TRHDE: variants seen among roughly 807,000 people sequenced by gnomAD.
The protein encoded by TRHDE is thyrotropin-releasing hormone-degrading ectoenzyme.
Under a neutral mutation model 125.7 loss-of-function variants are expected in TRHDE, and 72 were observed. The ratio of observed to expected loss-of-function variants is 0.57; its 90% CI spans 0.47 to 0.70. The LOEUF (loss-of-function observed/expected upper bound fraction) is 0.70. Ranked by LOEUF, TRHDE falls within the 30% of genes least tolerant of loss-of-function variation. The pLI, the probability that TRHDE is intolerant of heterozygous loss-of-function variation, is 0.00. For synonymous variants in TRHDE, 509 were observed against 509.1 expected (o/e 1.00, Z 0.00); for missense variants, 1,110 against 1,327.1 (o/e 0.84, Z 2.54).
At chr12:72,287,760 T>C (rs2139429634) in intron 2 of TRHDE, among the ~76,000 whole-genome samples, 1 of 152,280 alleles carries the variant, frequency 6.6e-6, no homozygotes, top group Non-Finnish European at 1.5e-5. Flanking sequence ...TCTATTGGAT[T>C]CTCTTTGATG....
At chr12:72,258,609 G>A (rs1403861199) in intron 2 of TRHDE, among the ~76,000 whole-genome samples, 1 of 152,104 alleles carries the variant, frequency 6.6e-6, no homozygotes, top group Middle Eastern at 3.2e-3. Flanking sequence ...CAGTATGGTG[G>A]ACTCCTGAAT....
At chr12:72,485,151 C>A (rs144117204) in intron 5 of TRHDE, among the ~76,000 whole-genome samples, 142 of 152,252 alleles carry the variant, frequency 9.3e-4, no homozygotes, top group African/African-American at 3.2e-3. Flanking sequence ...GCTGAAGAAG[C>A]TCTCCAGAGT....
intron 5 of TRHDE, among the ~76,000 whole-genome samples, chr12:72,493,805 C>A (rs1877788935): frequency 6.6e-6 from 1 of 151,952 alleles, no homozygotes; most frequent in South Asian, 2.1e-4. Context: ...TCCAGAATGC[C>A]CTTTTCTGCC....
chr12:72,320,539 T>C (rs1233144616), intron 2 of TRHDE, among the ~76,000 whole-genome samples: 3 of 96,444 alleles, frequency 3.1e-5, no homozygotes, highest in African/African-American at 1.1e-4. Context: ...ATACAGAGGG[T>C]TGACTGTGTG....
intron 3 of TRHDE, among the ~76,000 whole-genome samples, chr12:72,408,350 A>G (rs1489129496): frequency 1.3e-5 from 2 of 152,226 alleles, no homozygotes; most frequent in Admixed American, 6.5e-5. Context: ...TTTTGTGATT[A>G]TTAAACACCC....
intron 6 of TRHDE, among the ~76,000 whole-genome samples, chr12:72,517,388 G>A (rs1312002002): frequency 3.3e-5 from 5 of 152,012 alleles, no homozygotes; most frequent in Admixed American, 6.6e-5. Context: ...TGCATGTGTC[G>A]AGGAATTTAT....
At chr12:72,394,817 T>A (rs924299093) in intron 3 of TRHDE, among the ~76,000 whole-genome samples, 1 of 152,188 alleles carries the variant, frequency 6.6e-6, no homozygotes, top group Non-Finnish European at 1.5e-5. Flanking sequence ...GCTACCTGAC[T>A]GGATGTAGGT....
At chr12:72,208,698 G>A (rs1386055484) in intron 2 of TRHDE, among the ~76,000 whole-genome samples, 1 of 152,066 alleles carries the variant, frequency 6.6e-6, no homozygotes, top group African/African-American at 2.4e-5. Context: ...GTAAATATAT[G>A]CAAAGTACTT....
intron 3 of TRHDE, among the ~76,000 whole-genome samples, chr12:72,386,719 A>C (rs1872433785): frequency 6.6e-6 from 1 of 152,084 alleles, no homozygotes. Context: ...CCTCAACACT[A>C]TACTAAAACT....
intron 2 of TRHDE, among the ~76,000 whole-genome samples, chr12:72,183,612 C>T (rs1484574861): frequency 6.6e-6 from 1 of 152,146 alleles, no homozygotes; most frequent in Non-Finnish European, 1.5e-5. Context: ...ATTTCATATG[C>T]ATCAACTTCA....
intron 12 of TRHDE, among the ~76,000 whole-genome samples, chr12:72,614,001 C>A (rs551930025): frequency 6.6e-6 from 1 of 151,986 alleles, no homozygotes; most frequent in Non-Finnish European, 1.5e-5. Context: ...TAGGAGCAGA[C>A]ATATCACCCG....
chr12:72,252,961 A>G (rs1878719165), intron 2 of TRHDE, among the ~76,000 whole-genome samples: 1 of 152,098 alleles, frequency 6.6e-6, no homozygotes, highest in African/African-American at 2.4e-5. Context: ...GTTTATTGTT[A>G]CTACAGTAAT....
chr12:72,092,100 G>A lies in TRHDE; in HGVS notation n.174+4661G>A, dbSNP rs1879913. On this transcript the variant is annotated intron_variant and non_coding_transcript_variant, in intron 1 of 4. Transcript: ENST00000548156. ...GATGGTCTCAACTAGCAGCAGTGGCGGTTGGCCACAGAATATCTGATCTTA... is the reference window on the plus strand; with the variant it reads ...GATGGTCTCAACTAGCAGCAGTGGCAGTTGGCCACAGAATATCTGATCTTA... Among the ~76,000 whole-genome samples, 6 of 152,102 alleles carry A rather than the reference G, an allele frequency of 3.9e-5. 1 individual carries two copies. The highest frequency in any genetic ancestry group is 3.9e-4 in the East Asian group (2 of 5,188).
At chr12:72,128,650 G>A (rs1401756570) in intron 2 of TRHDE, among the ~76,000 whole-genome samples, 7 of 152,292 alleles carry the variant, frequency 4.6e-5, no homozygotes, top group African/African-American at 1.7e-4. Context: ...ACCGCTGTAT[G>A]GGGATTAATG....
chr12:72,570,986 C>T (rs11179254), intron 10 of TRHDE, among the ~76,000 whole-genome samples: 2 of 151,644 alleles, frequency 1.3e-5, no homozygotes, highest in East Asian at 2.0e-4. Context: ...GATAATGTTT[C>T]CTGAAAATTT....
Position 72,377,572 on chromosome 12 carries a change from C to T in TRHDE, c.1189-423C>T, listed in dbSNP as rs559556441. ...ATATATTCTCAGTCTGGTAATACTT[C>T]GGAAGCTTGATACAACCTGTCTTTA... On this transcript the variant is annotated intron_variant, in intron 2 of 18. Coordinates refer to ENST00000261180, the MANE Select transcript of TRHDE (RefSeq NM_013381.3). Among the ~76,000 whole-genome samples, 22 of 152,106 alleles carry T rather than the reference C, an allele frequency of 1.4e-4. 1 individual carries two copies. The highest frequency in any genetic ancestry group is 5.3e-4 in the African/African-American group (22 of 41,430).
chr12:72,263,756 A>G (rs1312588944), intron 2 of TRHDE: 1 of 152,040 alleles, frequency 6.6e-6, no homozygotes, highest in African/African-American at 2.4e-5. Context: ...TGGTTCTATA[A>G]TCAGATTTTA....
intron 5 of TRHDE, among the ~76,000 whole-genome samples, chr12:72,474,439 C>T (rs769870367): frequency 6.6e-6 from 1 of 152,058 alleles, no homozygotes; most frequent in Non-Finnish European, 1.5e-5. Context: ...GTTTCCTCCT[C>T]CCCCAAGCCT....
At chr12:72,249,497 G>A (rs945525423) in intron 2 of TRHDE, among the ~76,000 whole-genome samples, 4 of 152,032 alleles carry the variant, frequency 2.6e-5, no homozygotes, top group African/African-American at 9.7e-5. Context: ...GATCAGCCTG[G>A]GAAATATAGT....
Sources: allele counts gnomAD v4.1 joint callset (sites outside exome capture counted in the v4.1 genomes callset), GRCh38; gene constraint gnomAD v4.1.1; transcripts MANE v1.5; gene names NCBI Gene and HGNC (gene_info 2026-07-23, HGNC 2026-07-21).